Variants in DOP1B observed in about 807,000 individuals in gnomAD.
The protein encoded by DOP1B is protein DOP1B.
In DOP1B, 174 loss-of-function variants were observed where a neutral mutation model predicts 233.5. The observed-to-expected ratio is 0.75, with a 90% CI of 0.66 to 0.85. DOP1B has a LOEUF of 0.85. DOP1B is among the 40% of genes least tolerant of loss of function. DOP1B has a pLI of 0.00. For synonymous variants in DOP1B, 1,190 were observed against 1,185.6 expected (o/e 1.00, Z -0.08); for missense variants, 2,652 against 2,846.6 (o/e 0.93, Z 1.56).
At chr21:36,184,543 G>A (rs1189376224) in intron 2 of DOP1B, among the ~76,000 whole-genome samples, 1 of 152,186 alleles carries the variant, frequency 6.6e-6, no homozygotes, top group Admixed American at 6.5e-5. Context: ...TCTTTCACAG[G>A]TCTCCTGCTT....
At chr21:36,265,488 GA>G (rs1482942914) in intron 26 of DOP1B, among the ~76,000 whole-genome samples, 1 of 152,240 alleles carries the variant, frequency 6.6e-6, no homozygotes, top group African/African-American at 2.4e-5. Context: ...AGCCAGAGAA[GA>G]AAACGTTACA....
intron 32 of DOP1B, among the ~76,000 whole-genome samples, chr21:36,284,340 T>A (rs1010150810): frequency 9.9e-5 from 14 of 141,040 alleles, no homozygotes; most frequent in African/African-American, 3.7e-4. Context: ...GTGCAATCTC[T>A]GCTCACTGCA....
At chr21:36,261,777 G>A (rs2067174685) in intron 24 of DOP1B, 1 of 593,072 alleles carries the variant, frequency 1.7e-6, no homozygotes, top group Non-Finnish European at 2.1e-6. Flanking sequence ...GGGCTTGGTG[G>A]CAGCATGCCT....
chr21:36,195,635 G>A (rs1315995059), intron 2 of DOP1B, among the ~76,000 whole-genome samples: 1 of 152,130 alleles, frequency 6.6e-6, no homozygotes, highest in Admixed American at 6.6e-5. Flanking sequence ...CTTTTTCTAT[G>A]TCTTTTTCAC....
At chr21:36,176,609 G>C (rs1163049713) in intron 2 of DOP1B, among the ~76,000 whole-genome samples, 1 of 152,130 alleles carries the variant, frequency 6.6e-6, no homozygotes, top group Non-Finnish European at 1.5e-5. Context: ...ATCGTGGAAT[G>C]ATAAGGGCCT....
rs1308693895 is a variant in DOP1B, at chr21:36,239,975, C to T, written c.3067+20C>T. On this transcript the variant is annotated intron_variant, in intron 18 of 36. Coordinates refer to ENST00000691173, the MANE Select transcript of DOP1B (RefSeq NM_001320714.2). ...CGGCCGGTGAGCAGCCTGCACAGGA[C>T]CCGAGGGTGAGGGAGGAATGGGTGG... 1.2e-5 allele frequency: 19 copies of T among 1,594,956 alleles called. No homozygotes were observed. Among genetic ancestry groups the T allele is most frequent in the Non-Finnish European group, 1.6e-5 (19 of 1,171,144 alleles).
chr21:36,170,600 A>G (rs940938014), intron 2 of DOP1B: 9 of 126,742 alleles, frequency 7.1e-5, no homozygotes, highest in African/African-American at 2.7e-4. Flanking sequence ...TGTCTAAATA[A>G]ATAAATAAAT....
intron 9 of DOP1B, 124 bp downstream of exon 9, chr21:36,214,680 C>A (rs866884287): frequency 5.4e-6 from 5 of 932,482 alleles, no homozygotes; most frequent in Middle Eastern, 4.6e-4. Context: ...TGGAATTTCA[C>A]AACTTTGAAG....
intron 32 of DOP1B, among the ~76,000 whole-genome samples, chr21:36,287,579 CTTTTTTTTT>C (rs869203517): frequency 9.7e-4 from 71 of 73,132 alleles, no homozygotes; most frequent in African/African-American, 4.0e-3. Context: ...TCCTAACATT[CTTTTTTTTT>C]TTTTTTTTTT....
At chr21:36,222,409 C>T (rs929995749) in intron 10 of DOP1B, among the ~76,000 whole-genome samples, 1 of 151,434 alleles carries the variant, frequency 6.6e-6, no homozygotes, top group African/African-American at 2.4e-5. Flanking sequence ...CGGTGAAACC[C>T]CGTCTCTACT....
intron 32 of DOP1B, among the ~76,000 whole-genome samples, chr21:36,287,639 T>G (rs62229361): frequency 0.41 from 57,070 of 137,682 alleles, 11,808 homozygotes; most frequent in Middle Eastern, 0.51. Context: ...CAGGCTGGAG[T>G]GCAGTGGTGT....
intron 9 of DOP1B, among the ~76,000 whole-genome samples, chr21:36,217,092 AAAG>A (rs2066568461): frequency 6.6e-6 from 1 of 150,804 alleles, no homozygotes; most frequent in Non-Finnish European, 1.5e-5. Flanking sequence ...AAAAAAAAAA[AAAG>A]AGAGCTGAGG....
intron 28 of DOP1B, among the ~76,000 whole-genome samples, chr21:36,277,772 A>T (rs1489354974): frequency 6.6e-6 from 1 of 151,602 alleles, no homozygotes; most frequent in Admixed American, 6.6e-5. Context: ...CTCCTGCCTC[A>T]GCCTCCTGAG....
At position 36,245,183 on chromosome 21, in the gene DOP1B, G is replaced by C; in HGVS notation, c.3203G>C (p.Trp1068Ser). 1 of 1,614,026 alleles carries C rather than the reference G, an allele frequency of 6.2e-7. No individual in the cohort carries two copies. The highest frequency in any genetic ancestry group is 8.5e-7 in the Non-Finnish European group (1 of 1,180,024). The change falls in exon 19 of 37, where the codon TGG (tryptophan) becomes TCG (serine). Residue 1068 changes from tryptophan (W) to serine (S), a missense_variant. Physicochemically the swap from Trp to Ser is radical, Grantham distance 177. Coordinates refer to ENST00000691173, the MANE Select transcript of DOP1B (RefSeq NM_001320714.2). The surrounding 1 kb of genome is among the most constrained non-coding windows in gnomAD (Gnocchi z 5.5). ...QFTTVDREAI[W>S]AEVEKEPEKY... Reference sequence around the variant, plus strand: ...ACCACAGTGGACCGTGAAGCCATTTGGGCCGAAGTGGAGAAGGAGCCCGAG... The same window carrying C: ...ACCACAGTGGACCGTGAAGCCATTTCGGCCGAAGTGGAGAAGGAGCCCGAG...
At chr21:36,282,734 C>G (rs1379499117) in intron 32 of DOP1B, among the ~76,000 whole-genome samples, 1 of 152,000 alleles carries the variant, frequency 6.6e-6, no homozygotes, top group African/African-American at 2.4e-5. Context: ...CCAGCACTTT[C>G]AGAGGCCAAG....
chr21:36,239,657 G>C, intron 17 of DOP1B, 108 bp from the exon 18 acceptor site: 1 of 1,277,622 alleles, frequency 7.8e-7, no homozygotes. Context: ...CTTGGGTGGA[G>C]GTCCTAGGGT....
intron 2 of DOP1B, chr21:36,175,936 C>T (rs1397091458): frequency 1.3e-5 from 2 of 152,270 alleles, no homozygotes; most frequent in East Asian, 1.9e-4. Flanking sequence ...GAGGTGCAGG[C>T]TGTCTCTCCA....
At chr21:36,284,445 A>G (rs2067459293) in intron 32 of DOP1B, among the ~76,000 whole-genome samples, 2 of 150,906 alleles carry the variant, frequency 1.3e-5, no homozygotes. Context: ...TAATTTTTGT[A>G]TTTTTAGTAG....
At chr21:36,212,304 G>A (rs1399057889) in intron 7 of DOP1B, among the ~76,000 whole-genome samples, 1 of 152,052 alleles carries the variant, frequency 6.6e-6, no homozygotes, top group Admixed American at 6.6e-5. Flanking sequence ...TTAAAAAAGG[G>A]GAAATAATAA....
Sources: gnomAD v4.1 joint callset for allele counts (sites outside exome capture counted in the v4.1 genomes callset) on GRCh38, gnomAD v4.1.1 for gene constraint, Gnocchi (gnomAD v3.1) non-coding constraint, MANE v1.5 for transcripts, NCBI Gene and HGNC (gene_info 2026-07-23, HGNC 2026-07-21) for gene names.